The following PRP4K variants were observed in gnomAD, a reference collection of about 807,000 sequenced individuals.
The protein encoded by PRP4K is serine/threonine-protein kinase PRP4 homolog.
chr6:4,031,431 G>GA, the PRP4K span: 1 of 690,766 alleles, frequency 1.4e-6, no homozygotes, highest in South Asian at 2.6e-5. Flanking sequence ...AAGCTGTTCT[G>GA]AAAAAATTTT....
the PRP4K span, among the ~76,000 whole-genome samples, chr6:4,033,825 T>C: frequency 2.1e-4 from 32 of 152,260 alleles, no homozygotes; most frequent in South Asian, 6.2e-3. Flanking sequence ...GGCACTGTAA[T>C]GAAATAGCCC....
chr6:4,045,138 C>T, the PRP4K span, among the ~76,000 whole-genome samples: 11 of 152,272 alleles, frequency 7.2e-5, no homozygotes, highest in African/African-American at 2.6e-4. Context: ...GGATTACAGG[C>T]GTGAGCCACC....
the PRP4K span, chr6:4,040,659 A>G: frequency 4.2e-6 from 5 of 1,183,960 alleles, no homozygotes; most frequent in African/African-American, 1.6e-5. Flanking sequence ...TTAGGTTTAC[A>G]GCAAAATTGA....
chr6:4,061,043 C>G, the PRP4K span: 1 of 193,202 alleles, frequency 5.2e-6, no homozygotes, highest in South Asian at 9.4e-5. Flanking sequence ...CAGCAGCATG[C>G]CCTTGGTGTA....
At chr6:4,040,735 T>TA in the PRP4K span, 1 of 1,595,562 alleles carries the variant, frequency 6.3e-7, no homozygotes, top group East Asian at 2.2e-5. Flanking sequence ...CTTTGACATT[T>TA]AAAAAAATGT....
the PRP4K span, among the ~76,000 whole-genome samples, chr6:4,051,015 T>A: frequency 2.6e-5 from 4 of 152,010 alleles, no homozygotes; most frequent in Non-Finnish European, 4.4e-5. Flanking sequence ...GTTCAAGGGA[T>A]TTTGCTTCCT....
At chr6:4,031,129 T>C in the PRP4K span, among the ~76,000 whole-genome samples, 5 of 152,232 alleles carry the variant, frequency 3.3e-5, no homozygotes, top group Admixed American at 1.3e-4. Context: ...TGTATGTTAA[T>C]AGTTAGTAGG....
the PRP4K span, among the ~76,000 whole-genome samples, chr6:4,052,307 G>T: frequency 1.3e-5 from 2 of 151,968 alleles, no homozygotes; most frequent in Admixed American, 1.3e-4. Flanking sequence ...TGCTCCTCCC[G>T]GAGTACAGTG....
chr6:4,051,311 TTTTGTTTG>T, the PRP4K span, among the ~76,000 whole-genome samples: 1 of 151,818 alleles, frequency 6.6e-6, no homozygotes, highest in Non-Finnish European at 1.5e-5. Context: ...TTTTGTTTGT[TTTTGTTTG>T]TTTGTTTGTT....
chr6:4,059,905 A>G, the PRP4K span, among the ~76,000 whole-genome samples: 1 of 152,260 alleles, frequency 6.6e-6, no homozygotes, highest in Non-Finnish European at 1.5e-5. Flanking sequence ...TTGGGCTTCC[A>G]AAGTGCTGGG....
chr6:4,034,698 T>C, the PRP4K span, among the ~76,000 whole-genome samples: 12,672 of 151,970 alleles, frequency 0.083, 613 homozygotes, highest in Non-Finnish European at 0.098. Context: ...TTTTCTTTAT[T>C]TTTATTTATT....
the PRP4K span, among the ~76,000 whole-genome samples, chr6:4,029,451 C>G: frequency 2.6e-5 from 4 of 150,966 alleles, no homozygotes; most frequent in East Asian, 7.8e-4. Context: ...TCAAGTAATC[C>G]TTCCACCTCA....
chr6:4,038,435 G>A, the PRP4K span, among the ~76,000 whole-genome samples: 1 of 151,004 alleles, frequency 6.6e-6, no homozygotes, highest in Non-Finnish European at 1.5e-5. Flanking sequence ...AGGTGCCCAT[G>A]CCACCATGCC....
chr6:4,061,867 G>T, the PRP4K span: 1 of 152,544 alleles, frequency 6.6e-6, no homozygotes, highest in African/African-American at 2.4e-5. Flanking sequence ...TATGTTCTCA[G>T]TATGCATCAC....
chr6:4,030,819 C>T, the PRP4K span, among the ~76,000 whole-genome samples: 2 of 152,248 alleles, frequency 1.3e-5, no homozygotes, highest in African/African-American at 4.8e-5. Context: ...GTGGTTCAGC[C>T]TAATGTCGTA....
At chr6:4,043,976 C>A in the PRP4K span, 1 of 1,614,096 alleles carries the variant, frequency 6.2e-7, no homozygotes, top group Non-Finnish European at 8.5e-7. Flanking sequence ...ACATTTGAGG[C>A]CTCAGTGAAA....
chr6:4,043,701 T>G, the PRP4K span: 2 of 964,302 alleles, frequency 2.1e-6, no homozygotes, highest in African/African-American at 1.6e-5. Context: ...TTTGGTTTGT[T>G]ACATTATTTG....
chr6:4,027,605 G>A, the PRP4K span, among the ~76,000 whole-genome samples: 1 of 108,092 alleles, frequency 9.3e-6, no homozygotes, highest in Non-Finnish European at 1.9e-5. Context: ...AGGGGTGGGG[G>A]GGTGGGGTGG....
the PRP4K span, among the ~76,000 whole-genome samples, chr6:4,046,402 A>G: frequency 6.6e-6 from 1 of 152,182 alleles, no homozygotes; most frequent in African/African-American, 2.4e-5. Flanking sequence ...GCATGCATTC[A>G]TATGGTTAAA....
Sources: gnomAD v4.1 joint callset for allele counts (sites outside exome capture counted in the v4.1 genomes callset) on GRCh38, gnomAD v4.1.1 for gene constraint, MANE v1.5 for transcripts, NCBI Gene and HGNC (gene_info 2026-07-23, HGNC 2026-07-21) for gene names.